Variants in DOCK10 observed in about 807,000 individuals in gnomAD.
DOCK10 encodes dedicator of cytokinesis 10, also known as dedicator of cytokinesis protein 10.
A neutral mutation model predicts 280.1 loss-of-function variants in DOCK10; 145 were observed. That is an observed-to-expected ratio of 0.52 (90% CI 0.45 to 0.59). The LOEUF (loss-of-function observed/expected upper bound fraction) is 0.59, where lower values mean the gene tolerates loss of function less well. Among genes scored for constraint, DOCK10 ranks in the 20% least tolerant of loss-of-function variants. DOCK10 has a pLI of 0.00. For synonymous variants in DOCK10, 915 were observed against 942.2 expected (o/e 0.97, Z 0.53); for missense variants, 2,368 against 2,651.7 (o/e 0.89, Z 2.35).
intron 11 of DOCK10, among the ~76,000 whole-genome samples, chr2:224,872,420 A>G (rs1698349494): frequency 6.6e-6 from 1 of 152,184 alleles, no homozygotes; most frequent in Non-Finnish European, 1.5e-5. Context: ...CCAGAGTGGC[A>G]CAACTTGTGA....
intron 37 of DOCK10, 40 bp from the exon 38 acceptor site, chr2:224,804,881 T>C (rs1387744587): frequency 1.4e-6 from 2 of 1,409,746 alleles, no homozygotes; most frequent in African/African-American, 1.5e-5. Context: ...TTATTCATAT[T>C]CTTTTATTAT....
intron 4 of DOCK10, among the ~76,000 whole-genome samples, chr2:224,894,204 T>C (rs1199043840): frequency 2.6e-5 from 4 of 152,214 alleles, no homozygotes; most frequent in African/African-American, 7.2e-5. Context: ...ACTATGAGAA[T>C]TGCAATTAAG....
chr2:225,021,851 C>T (rs994707816), intron 1 of DOCK10, among the ~76,000 whole-genome samples: 1 of 152,180 alleles, frequency 6.6e-6, no homozygotes, highest in Non-Finnish European at 1.5e-5. Flanking sequence ...TAAGCCAGCA[C>T]AGTTTTTTGG....
chr2:225,013,269 G>C lies in DOCK10; in HGVS notation c.123+28983C>G, dbSNP rs530991161. 1.6e-4 allele frequency among the ~76,000 whole-genome samples: 24 copies of C among 152,146 alleles called. 1 individual carries two copies. The South Asian group carries it at 4.4e-3, about 28-fold the overall frequency. On this transcript the variant is annotated intron_variant, in intron 1 of 55. Coordinates refer to ENST00000258390, the MANE Select transcript of DOCK10 (RefSeq NM_014689.3). ...TATATAAAATTTTCAGTACCCTATA[G>C]GAAAGTAATCACTTACCTATTGGAT...
At chr2:224,858,974 T>C (rs74637424) in intron 14 of DOCK10, among the ~76,000 whole-genome samples, 1 of 152,140 alleles carries the variant, frequency 6.6e-6, no homozygotes, top group Non-Finnish European at 1.5e-5. Flanking sequence ...GACATATTTT[T>C]TGTGTGTGTG....
intron 1 of DOCK10, among the ~76,000 whole-genome samples, chr2:224,943,769 T>TC: frequency 6.8e-6 from 1 of 147,988 alleles, no homozygotes; most frequent in Admixed American, 6.7e-5. Context: ...TTCTTTTTTT[T>TC]TTTTTTTTTT....
chr2:224,875,924 C>A (rs1266537728), intron 8 of DOCK10, 114 bp downstream of exon 8: 12 of 1,029,500 alleles, frequency 1.2e-5, no homozygotes, highest in Admixed American at 2.6e-5. Context: ...GAACAAACAG[C>A]CCCAGGATGG....
chr2:224,839,833 AT>A (rs1390062782), intron 24 of DOCK10, 120 bp downstream of exon 24: 1 of 456,902 alleles, frequency 2.2e-6, no homozygotes, highest in Non-Finnish European at 3.9e-6. Flanking sequence ...AAATGCTTAA[AT>A]TTGAGATGTG....
At chr2:224,816,379 TAATA>T (rs1429573673) in intron 30 of DOCK10, among the ~76,000 whole-genome samples, 1 of 151,962 alleles carries the variant, frequency 6.6e-6, no homozygotes, top group Admixed American at 6.6e-5. Context: ...GCCTTCTCTT[TAATA>T]AAAAGGGAAA....
At chr2:224,906,813 C>G (rs1700676387) in intron 3 of DOCK10, among the ~76,000 whole-genome samples, 2 of 152,148 alleles carry the variant, frequency 1.3e-5, no homozygotes, top group African/African-American at 4.8e-5. Context: ...CCAGGGGGTA[C>G]TTGTCAGAGT....
chr2:224,940,733 G>A (rs1702997602), intron 1 of DOCK10, among the ~76,000 whole-genome samples: 1 of 152,162 alleles, frequency 6.6e-6, no homozygotes, highest in South Asian at 2.1e-4. Context: ...ATGAGTTTAA[G>A]ACCCCGTTTA....
chr2:224,967,787 G>A (rs1704861871), intron 1 of DOCK10, among the ~76,000 whole-genome samples: 2 of 151,224 alleles, frequency 1.3e-5, no homozygotes, highest in South Asian at 4.2e-4. Context: ...GTAGGGATCT[G>A]AGAGGAGTGT....
chr2:224,777,772 G>C (rs1203986491), intron 51 of DOCK10, among the ~76,000 whole-genome samples: 2 of 152,142 alleles, frequency 1.3e-5, no homozygotes, highest in Non-Finnish European at 2.9e-5. Flanking sequence ...TTCCTCTAGA[G>C]AACCCTGACT....
intron 40 of DOCK10, among the ~76,000 whole-genome samples, chr2:224,801,075 T>C (rs1692958071): frequency 6.6e-6 from 1 of 151,962 alleles, no homozygotes; most frequent in Non-Finnish European, 1.5e-5. Flanking sequence ...GAGACCAACA[T>C]TCTTATTATG....
At chr2:224,814,401 A>T (rs977623610) in intron 30 of DOCK10, 37 bp from the exon 31 acceptor site, 3 of 1,174,704 alleles carry the variant, frequency 2.6e-6, no homozygotes, top group Non-Finnish European at 3.6e-6. Context: ...AGATATATAC[A>T]TATACATACT....
At chr2:224,891,752 A>G (rs1559677863) in intron 4 of DOCK10, among the ~76,000 whole-genome samples, 2 of 152,214 alleles carry the variant, frequency 1.3e-5, no homozygotes, top group African/African-American at 2.4e-5. Flanking sequence ...CTTAATCTTC[A>G]CTTTTAAAAA....
intron 2 of DOCK10, among the ~76,000 whole-genome samples, chr2:224,921,114 T>A (rs867748620): frequency 0.02 from 1,132 of 57,542 alleles, 8 homozygotes; most frequent in East Asian, 0.036. Flanking sequence ...AAAAAAAAAA[T>A]ATATATATAT....
intron 1 of DOCK10, among the ~76,000 whole-genome samples, chr2:225,017,465 C>T (rs1385732173): frequency 6.9e-6 from 1 of 144,298 alleles, no homozygotes; most frequent in African/African-American, 2.5e-5. Flanking sequence ...CAAGAGCAAG[C>T]CTGAAAGAGA....
intron 1 of DOCK10, chr2:224,947,077 A>G (rs1703463079): frequency 7.3e-7 from 1 of 1,379,044 alleles, no homozygotes; most frequent in Non-Finnish European, 9.4e-7. Context: ...CTCATGCTAC[A>G]TGAATGTAAC....
Sources: allele counts gnomAD v4.1 joint callset (sites outside exome capture counted in the v4.1 genomes callset), GRCh38; gene constraint gnomAD v4.1.1; transcripts MANE v1.5; gene names NCBI Gene and HGNC (gene_info 2026-07-23, HGNC 2026-07-21).